Variants in SEM1 observed in about 807,000 individuals in gnomAD.
SEM1 encodes the protein 26S proteasome complex subunit SEM1.
In SEM1, 3 loss-of-function variants were observed where a neutral mutation model predicts 12.7. The observed-to-expected ratio is 0.24, with a 90% CI of 0.11 to 0.61. The LOEUF (loss-of-function observed/expected upper bound fraction) is 0.61. SEM1 is among the 20% of genes least tolerant of loss of function. The pLI is 0.88. For missense variants in SEM1, 59 were observed against 81.3 expected (o/e 0.73, Z 1.06); for synonymous variants, 30 against 27.8 (o/e 1.08, Z -0.25).
At chr7:96,618,297 G>A (rs1807782197), downstream of SEM1, among the ~76,000 whole-genome samples, 1 of 152,064 alleles carries the variant, frequency 6.6e-6, no homozygotes, top group Admixed American at 6.6e-5. Flanking sequence ...TTCCTTTACA[G>A]GTGACTTGAT....
rs543008951 is a variant in SEM1 at position 96,692,555 on chromosome 7, C to T, written c.170+2243G>A. ...CTAATGTGGCTCATTTTTTGAAGGA[C>T]ATAAAACAAAGACAGATATAAAAAG... On this transcript the variant is annotated intron_variant, in intron 2 of 2. Coordinates refer to ENST00000248566, the MANE Select transcript of SEM1 (RefSeq NM_006304.2). 3.3e-5 allele frequency among the ~76,000 whole-genome samples: 5 copies of T among 151,958 alleles called. No homozygotes were observed. In the South Asian group the frequency reaches 8.3e-4, roughly 25 times the overall value.
Position 96,615,605 on chromosome 7 carries a change from T to C in SEM1, c.170+79193A>G, listed in dbSNP as rs140831392. On this transcript the variant is annotated intron_variant and NMD_transcript_variant, in intron 2 of 3. Coordinates refer to the SEM1 transcript ENST00000466986. ...CCATCATCAATTTTTTATTTAAATT[T>C]TTATGTATTTAGGAGGTGCAAGTGC... 8.1e-4 allele frequency among the ~76,000 whole-genome samples: 123 copies of C among 152,296 alleles called. 4 individuals carry two copies. The East Asian group carries it at 0.023, about 29-fold the overall frequency.
chr7:96,612,491 G>T (rs1202441566), intron 2 of SEM1, among the ~76,000 whole-genome samples: 2 of 152,098 alleles, frequency 1.3e-5, no homozygotes, highest in African/African-American at 4.8e-5. Flanking sequence ...TCTAGTAAAA[G>T]GTTCCCAAAC....
chr7:96,494,577 A>G (rs1413951211), intron 1 of SEM1, among the ~76,000 whole-genome samples: 1 of 152,170 alleles, frequency 6.6e-6, no homozygotes, highest in Non-Finnish European at 1.5e-5. Context: ...AGTTAACCCC[A>G]GAATCTGGCA....
At chr7:96,630,622 C>A (rs1584818234) in intron 2 of SEM1, among the ~76,000 whole-genome samples, 1 of 152,182 alleles carries the variant, frequency 6.6e-6, no homozygotes, top group Non-Finnish European at 1.5e-5. Flanking sequence ...GGTGCTCTAT[C>A]CCCCTGTAGC....
intron 2 of SEM1, among the ~76,000 whole-genome samples, chr7:96,581,446 C>T (rs972879902): frequency 6.6e-5 from 10 of 151,516 alleles, no homozygotes; most frequent in African/African-American, 1.5e-4. Context: ...ATTGACTTGG[C>T]GATGCGGGCT....
chr7:96,534,894 C>A (rs954935413), intron 2 of SEM1, among the ~76,000 whole-genome samples: 1 of 151,902 alleles, frequency 6.6e-6, no homozygotes, highest in South Asian at 2.1e-4. Flanking sequence ...AGAAAAAATT[C>A]TTTTTAACAT....
intron 2 of SEM1, among the ~76,000 whole-genome samples, chr7:96,506,863 T>A (rs917152239): frequency 5.9e-5 from 9 of 152,078 alleles, no homozygotes; most frequent in African/African-American, 1.9e-4. Context: ...TTATAAATTT[T>A]AAAATACTCA....
At chr7:96,585,294 C>T (rs930403877) in intron 2 of SEM1, among the ~76,000 whole-genome samples, 2 of 152,204 alleles carry the variant, frequency 1.3e-5, no homozygotes, top group Non-Finnish European at 2.9e-5. Flanking sequence ...GGTCAGGGGT[C>T]AGGGACCCAT....
At chr7:96,663,299 A>C (rs1201117756) in intron 2 of SEM1, among the ~76,000 whole-genome samples, 2 of 152,244 alleles carry the variant, frequency 1.3e-5, no homozygotes, top group African/African-American at 4.8e-5. Flanking sequence ...TAAAGAGAGA[A>C]AGAGGAGGTA....
At position 96,573,194 on chromosome 7, in the gene SEM1, A is replaced by G. The variant is rs1047511421; in HGVS notation, c.171-66496T>C. Among the ~76,000 whole-genome samples, 4 of 150,784 alleles carry G rather than the reference A, an allele frequency of 2.7e-5. No individual in the cohort carries two copies. The East Asian group carries it at 5.9e-4, about 22-fold the overall frequency. On this transcript the variant is annotated intron_variant and NMD_transcript_variant, in intron 2 of 3. Transcript: ENST00000466986. ...GCCTATATGTGCCTTTGCACATGAC[A>G]TGTGTCTCCTGAATATAGCACACTG... is the stretch of plus-strand genomic sequence containing the variant.
At chr7:96,529,505 C>T (rs772782247) in intron 2 of SEM1, among the ~76,000 whole-genome samples, 6 of 152,128 alleles carry the variant, frequency 3.9e-5, no homozygotes, top group African/African-American at 9.6e-5. Context: ...GTTATCTCTT[C>T]CTCATAAAAA....
chr7:96,487,047 G>A (rs1461084608), intron 1 of SEM1, among the ~76,000 whole-genome samples: 5 of 152,078 alleles, frequency 3.3e-5, no homozygotes, highest in African/African-American at 2.4e-5. Flanking sequence ...TTGAGGAAAC[G>A]CTGGAGCTGG....
intron 2 of SEM1, among the ~76,000 whole-genome samples, chr7:96,655,521 T>C (rs548942796): frequency 6.6e-6 from 1 of 151,870 alleles, no homozygotes; most frequent in South Asian, 2.1e-4. Context: ...GACCTCGTGT[T>C]CCGCCTGCCT....
intron 2 of SEM1, among the ~76,000 whole-genome samples, chr7:96,594,935 GAT>G (rs1806948942): frequency 6.6e-6 from 1 of 152,048 alleles, no homozygotes; most frequent in African/African-American, 2.4e-5. Context: ...TATTAAGAAA[GAT>G]ATATTTCACT....
downstream of SEM1, among the ~76,000 whole-genome samples, chr7:96,621,469 T>C (rs1807890407): frequency 6.6e-6 from 1 of 152,182 alleles, no homozygotes; most frequent in Non-Finnish European, 1.5e-5. Flanking sequence ...TTGGGGAATG[T>C]AGAAGCAAAA....
At chr7:96,531,389 T>C (rs1221613549) in intron 2 of SEM1, among the ~76,000 whole-genome samples, 1 of 150,384 alleles carries the variant, frequency 6.6e-6, no homozygotes, top group African/African-American at 2.5e-5. Context: ...GGCAACATGG[T>C]GAGATCCTGT....
At chr7:96,641,158 T>A (rs1808580324) in intron 2 of SEM1, among the ~76,000 whole-genome samples, 1 of 151,588 alleles carries the variant, frequency 6.6e-6, no homozygotes, top group African/African-American at 2.4e-5. Context: ...AAATAAAAAA[T>A]AAAAAATAAA....
intron 2 of SEM1, among the ~76,000 whole-genome samples, chr7:96,580,058 C>T (rs369295376): frequency 1.9e-4 from 29 of 149,352 alleles, no homozygotes; most frequent in East Asian, 1.6e-3. Context: ...CATGCTGGTG[C>T]GCTGCACCCA....
Sources: allele counts gnomAD v4.1 joint callset (sites outside exome capture counted in the v4.1 genomes callset), GRCh38; gene constraint gnomAD v4.1.1; transcripts MANE v1.5; gene names NCBI Gene and HGNC (gene_info 2026-07-23, HGNC 2026-07-21).